Variants in SUPT3H observed in about 807,000 individuals in gnomAD.
SUPT3H encodes the protein transcription initiation protein SPT3 homolog.
A neutral mutation model predicts 44.3 loss-of-function variants in SUPT3H; 44 were observed. The observed-to-expected ratio is 0.99, with a 90% CI of 0.78 to 1.28. SUPT3H has a LOEUF of 1.28. Among genes scored for constraint, SUPT3H ranks in the 50% most tolerant of loss-of-function variants. The pLI is 0.00. For missense variants in SUPT3H, 380 were observed against 387.1 expected, an observed-to-expected ratio of 0.98 and a Z score of 0.15; for synonymous variants, 124 against 125.6, an observed-to-expected ratio of 0.99 and a Z score of 0.09.
At chr6:45,120,446 A>G (rs1167401486) in intron 2 of SUPT3H, among the ~76,000 whole-genome samples, 3 of 129,500 alleles carry the variant, frequency 2.3e-5, no homozygotes, top group African/African-American at 5.7e-5. Context: ...AAAAAAGACT[A>G]TATAAGCATA....
intron 6 of SUPT3H, among the ~76,000 whole-genome samples, chr6:44,998,275 A>T (rs1241789859): frequency 6.6e-6 from 1 of 151,840 alleles, no homozygotes; most frequent in Non-Finnish European, 1.5e-5. Flanking sequence ...ACAACTGTTT[A>T]AAAAAATTTG....
chr6:45,022,001 AT>A (rs1785208427), intron 3 of SUPT3H, among the ~76,000 whole-genome samples: 1 of 151,992 alleles, frequency 6.6e-6, no homozygotes, highest in Non-Finnish European at 1.5e-5. Context: ...GCATGAACAT[AT>A]TTTTTCTAAA....
intron 2 of SUPT3H, among the ~76,000 whole-genome samples, chr6:45,327,451 C>CA (rs1269909440): frequency 7.2e-5 from 11 of 151,820 alleles, no homozygotes; most frequent in African/African-American, 2.7e-4. Flanking sequence ...CAATGAAAGA[C>CA]AAAAAATATT....
intron 3 of SUPT3H, among the ~76,000 whole-genome samples, chr6:45,020,854 C>G (rs775211705): frequency 2.5e-4 from 38 of 151,848 alleles, no homozygotes; most frequent in Non-Finnish European, 4.9e-4. Flanking sequence ...ATACAATAAA[C>G]AGAAATCTTT....
chr6:44,869,383 C>G (rs1389670976), intron 10 of SUPT3H, among the ~76,000 whole-genome samples: 1 of 152,170 alleles, frequency 6.6e-6, no homozygotes, highest in Non-Finnish European at 1.5e-5. Context: ...TGCTGGGTGA[C>G]TCACTGAGGC....
intron 8 of SUPT3H, 60 bp from the exon 9 acceptor site, chr6:44,953,477 T>C: frequency 7.2e-7 from 1 of 1,386,734 alleles, no homozygotes; most frequent in South Asian, 1.2e-5. Context: ...GCCACTGAAG[T>C]GGCAAACCTA....
intron 2 of SUPT3H, among the ~76,000 whole-genome samples, chr6:45,307,008 G>T (rs1783135851): frequency 6.6e-6 from 1 of 152,216 alleles, no homozygotes; most frequent in Admixed American, 6.5e-5. Context: ...GGCCCACGGA[G>T]CCTCACTCAT....
intron 10 of SUPT3H, among the ~76,000 whole-genome samples, chr6:44,929,913 T>C (rs1770270286): frequency 6.6e-6 from 1 of 152,120 alleles, no homozygotes; most frequent in African/African-American, 2.4e-5. Flanking sequence ...TTATATACCC[T>C]GAAACCTGTG....
At chr6:45,069,252 A>G (rs1422581931) in intron 3 of SUPT3H, among the ~76,000 whole-genome samples, 1 of 152,222 alleles carries the variant, frequency 6.6e-6, no homozygotes, top group Non-Finnish European at 1.5e-5. Context: ...TAGAGGAACC[A>G]AAAACTTCAT....
intron 9 of SUPT3H, among the ~76,000 whole-genome samples, chr6:44,952,723 T>C (rs1022537036): frequency 1.3e-5 from 2 of 152,208 alleles, no homozygotes; most frequent in African/African-American, 2.4e-5. Context: ...TTCTGTATAC[T>C]AAAAGTGGTG....
chr6:44,893,238 T>C (rs1049588340), intron 10 of SUPT3H, among the ~76,000 whole-genome samples: 2 of 152,214 alleles, frequency 1.3e-5, no homozygotes, highest in African/African-American at 4.8e-5. Flanking sequence ...TTTTTTTTAA[T>C]TATTATACTT....
At chr6:45,090,374 T>C (rs756491970) in intron 3 of SUPT3H, among the ~76,000 whole-genome samples, 4 of 152,068 alleles carry the variant, frequency 2.6e-5, no homozygotes, top group Non-Finnish European at 5.9e-5. Context: ...TCTTGTCTTA[T>C]AAAAAACTTT....
chr6:45,294,895 A>C (rs1184226516), intron 2 of SUPT3H, among the ~76,000 whole-genome samples: 1 of 152,142 alleles, frequency 6.6e-6, no homozygotes, highest in Non-Finnish European at 1.5e-5. Context: ...GGTAGAATCA[A>C]TATGGTGAAA....
intron 10 of SUPT3H, among the ~76,000 whole-genome samples, chr6:44,835,361 G>A (rs1313339448): frequency 6.6e-6 from 1 of 152,146 alleles, no homozygotes; most frequent in Non-Finnish European, 1.5e-5. Context: ...TACATGCTCT[G>A]TCTCTAGGAT....
chr6:44,941,811 G>A (rs1772489130), intron 9 of SUPT3H, among the ~76,000 whole-genome samples: 1 of 152,066 alleles, frequency 6.6e-6, no homozygotes, highest in Non-Finnish European at 1.5e-5. Flanking sequence ...ATTATTATAT[G>A]CAGGATTACT....
chr6:45,370,287 C>T (rs560441502), intron 1 of SUPT3H, among the ~76,000 whole-genome samples: 8 of 152,120 alleles, frequency 5.3e-5, no homozygotes, highest in South Asian at 2.1e-4. Flanking sequence ...ATGGATTACA[C>T]GTGGGGTGTG....
chr6:44,905,051 T>C (rs1352920603), intron 10 of SUPT3H, among the ~76,000 whole-genome samples: 1 of 151,988 alleles, frequency 6.6e-6, no homozygotes, highest in Non-Finnish European at 1.5e-5. Flanking sequence ...ACGTTAGACC[T>C]AAAACCATAA....
intron 2 of SUPT3H, among the ~76,000 whole-genome samples, chr6:45,153,746 T>C (rs1246684070): frequency 6.6e-6 from 1 of 151,900 alleles, no homozygotes; most frequent in Non-Finnish European, 1.5e-5. Flanking sequence ...GGCACATGCC[T>C]GTAGGTTGGA....
chr6:45,170,194 G>A (rs959356224), intron 2 of SUPT3H, among the ~76,000 whole-genome samples: 1 of 152,224 alleles, frequency 6.6e-6, no homozygotes, highest in Non-Finnish European at 1.5e-5. Context: ...AATAGTTACA[G>A]AGATGTTATT....
Sources: allele counts gnomAD v4.1 joint callset (sites outside exome capture counted in the v4.1 genomes callset), GRCh38; gene constraint gnomAD v4.1.1; transcripts MANE v1.5; gene names NCBI Gene and HGNC (gene_info 2026-07-23, HGNC 2026-07-21).